The following NCAM2 variants were observed in gnomAD, a reference collection of about 807,000 sequenced individuals.
The protein encoded by NCAM2 is neural cell adhesion molecule 2, also known as N-CAM-2.
NCAM2 carries 30 observed loss-of-function variants against 98.1 expected under a neutral mutation model. That is an observed-to-expected ratio of 0.31 (90% CI 0.23 to 0.41). The LOEUF is 0.41. NCAM2 is among the 10% of genes least tolerant of loss of function. NCAM2 has a pLI of 1.00. For missense variants in NCAM2, 867 were observed against 1,005.8 expected, an observed-to-expected ratio of 0.86 and a Z score of 1.87; for synonymous variants, 368 against 342.4, an observed-to-expected ratio of 1.07 and a Z score of -0.83.
At position 21,103,386 on chromosome 21, in the gene NCAM2, A is replaced by G. The variant is rs1569025805; in HGVS notation, c.55+104768A>G. On this transcript the variant is annotated intron_variant, in intron 1 of 17. Transcript: ENST00000400546. ...ATTTGAAGGGAATGGTCATCAAACA[A>G]ACACTGAAAAAATACAAATCCAGAA... Among the ~76,000 whole-genome samples the G allele has an allele frequency of 2.0e-5, 3 of 152,102 alleles. No homozygotes were observed. The South Asian group carries it at 6.2e-4, about 31-fold the overall frequency.
intron 1 of NCAM2, among the ~76,000 whole-genome samples, chr21:21,218,495 C>T (rs1049074768): frequency 1.3e-5 from 2 of 152,002 alleles, no homozygotes; most frequent in Non-Finnish European, 2.9e-5. Flanking sequence ...TTAAGATTGC[C>T]AATGAATTAT....
intron 1 of NCAM2, among the ~76,000 whole-genome samples, chr21:21,034,673 A>C (rs1222745170): frequency 6.6e-6 from 1 of 152,202 alleles, no homozygotes; most frequent in Non-Finnish European, 1.5e-5. Context: ...AATTTAGTTG[A>C]GTTAATAAAA....
chr21:21,313,331 AT>A (rs1435551049), intron 5 of NCAM2, among the ~76,000 whole-genome samples: 3 of 150,766 alleles, frequency 2.0e-5, no homozygotes, highest in South Asian at 2.1e-4. Context: ...ATTTGTTCCA[AT>A]TTTTTTTGTC....
intron 9 of NCAM2, among the ~76,000 whole-genome samples, chr21:21,390,610 C>G (rs2076360038): frequency 6.6e-6 from 1 of 151,900 alleles, no homozygotes; most frequent in African/African-American, 2.4e-5. Flanking sequence ...TTAAAAAGAA[C>G]AAATAACATA....
chr21:21,516,923 G>A (rs1178173686), intron 16 of NCAM2, among the ~76,000 whole-genome samples: 1 of 151,864 alleles, frequency 6.6e-6, no homozygotes, highest in Non-Finnish European at 1.5e-5. Flanking sequence ...CTTTCTTTAT[G>A]TATAATTTAT....
intron 15 of NCAM2, among the ~76,000 whole-genome samples, chr21:21,498,608 G>C (rs62216094): frequency 0.11 from 17,447 of 152,088 alleles, 1,222 homozygotes; most frequent in East Asian, 0.31. Context: ...TTTTGTCAGG[G>C]AGCTGAAAGA....
chr21:21,448,589 A>G (rs954543310), intron 12 of NCAM2, among the ~76,000 whole-genome samples: 2 of 152,048 alleles, frequency 1.3e-5, no homozygotes, highest in African/African-American at 4.8e-5. Flanking sequence ...CAGATTTTAA[A>G]ATCTTAATGA....
At chr21:21,251,150 A>ATTATT (rs1209832926) in intron 1 of NCAM2, among the ~76,000 whole-genome samples, 2 of 151,970 alleles carry the variant, frequency 1.3e-5, no homozygotes, top group African/African-American at 4.8e-5. Context: ...AGCCAGAATT[A>ATTATT]TTATTTTATT....
chr21:21,135,783 A>T (rs1350401731), intron 1 of NCAM2, among the ~76,000 whole-genome samples: 1 of 152,126 alleles, frequency 6.6e-6, no homozygotes, highest in Admixed American at 6.5e-5. Flanking sequence ...TGGGACTCCA[A>T]GTTCATTAAG....
chr21:21,291,362 C>T (rs2073285552), intron 4 of NCAM2, among the ~76,000 whole-genome samples: 1 of 151,860 alleles, frequency 6.6e-6, no homozygotes, highest in South Asian at 2.1e-4. Flanking sequence ...AGGGCAGACA[C>T]AAAAAATAAT....
chr21:21,447,749 C>G (rs1456148941), intron 12 of NCAM2, among the ~76,000 whole-genome samples: 1 of 152,118 alleles, frequency 6.6e-6, no homozygotes, highest in Admixed American at 6.6e-5. Context: ...TGAACAGACA[C>G]TTCCCAAAGA....
chr21:21,102,458 G>A (rs571045526), intron 1 of NCAM2, among the ~76,000 whole-genome samples: 9 of 151,922 alleles, frequency 5.9e-5, no homozygotes, highest in East Asian at 5.8e-4. Flanking sequence ...GGTTTTGGGC[G>A]CATACAAGTA....
intron 1 of NCAM2, among the ~76,000 whole-genome samples, chr21:21,277,866 G>C (rs541581638): frequency 7.9e-5 from 12 of 151,698 alleles, no homozygotes; most frequent in Non-Finnish European, 1.5e-4. Flanking sequence ...ATTAATGAGT[G>C]CGTGTATTTA....
At chr21:21,228,970 CTA>C (rs2070506117) in intron 1 of NCAM2, among the ~76,000 whole-genome samples, 2 of 151,364 alleles carry the variant, frequency 1.3e-5, no homozygotes, top group Admixed American at 6.6e-5. Context: ...TAAATTATAT[CTA>C]GAGTTATTTT....
chr21:21,322,275 G>A (rs930945191), intron 5 of NCAM2, among the ~76,000 whole-genome samples: 1 of 152,064 alleles, frequency 6.6e-6, no homozygotes, highest in East Asian at 1.9e-4. Flanking sequence ...CATAAAGATG[G>A]CAGCAATAGA....
intron 1 of NCAM2, among the ~76,000 whole-genome samples, chr21:21,248,776 C>CAAAA (rs1171857115): frequency 4.7e-4 from 24 of 50,680 alleles, no homozygotes; most frequent in East Asian, 1.8e-3. Context: ...GACTCTGTCT[C>CAAAA]AAAAAAAAAA....
rs1301713919 is a variant in NCAM2 at position 21,387,957 on chromosome 21, C to T, written c.1195+13944C>T. On this transcript the variant is annotated intron_variant, in intron 9 of 17. Coordinates refer to ENST00000400546, the MANE Select transcript of NCAM2 (RefSeq NM_004540.5). ...CCATAATAATTATGCATCATAAACA[C>T]CCAAAAACACAGTGTCATACGATAA... Among the ~76,000 whole-genome samples, 3 of 152,144 alleles carry T rather than the reference C, an allele frequency of 2.0e-5. No individual in the cohort carries two copies. In the East Asian group the frequency reaches 5.8e-4, roughly 29 times the overall value.
At chr21:21,346,617 A>G (rs937381025) in intron 8 of NCAM2, among the ~76,000 whole-genome samples, 3 of 152,218 alleles carry the variant, frequency 2.0e-5, no homozygotes, top group East Asian at 1.9e-4. Flanking sequence ...TTTCAAGGAT[A>G]TATTATATAC....
intron 1 of NCAM2, among the ~76,000 whole-genome samples, chr21:21,242,219 T>C (rs1043895122): frequency 1.4e-5 from 2 of 140,930 alleles, no homozygotes; most frequent in Admixed American, 1.5e-4. Flanking sequence ...AATATTTTAA[T>C]TGACAAATAA....
Sources: allele counts gnomAD v4.1 joint callset (sites outside exome capture counted in the v4.1 genomes callset), GRCh38; gene constraint gnomAD v4.1.1; transcripts MANE v1.5; gene names NCBI Gene and HGNC (gene_info 2026-07-23, HGNC 2026-07-21).